The following SLC13A1 variants were observed in gnomAD, a reference collection of about 807,000 sequenced individuals.
SLC13A1 encodes Na(+)/sulfate cotransporter.
A neutral mutation model predicts 70.0 loss-of-function variants in SLC13A1; 65 were observed. That is an observed-to-expected ratio of 0.93 (90% CI 0.76 to 1.14). The LOEUF (loss-of-function observed/expected upper bound fraction) is 1.14. Among genes scored for constraint, SLC13A1 ranks in the 50% most tolerant of loss-of-function variants. The probability of loss-of-function intolerance (pLI) is 0.00; values close to 1 mark genes in which losing one functional copy is unlikely to be tolerated. For synonymous variants in SLC13A1, 275 were observed against 250.5 expected (o/e 1.10, Z -0.92); for missense variants, 726 against 717.8 (o/e 1.01, Z -0.13).
intron 11 of SLC13A1, 108 bp from the exon 12 acceptor site, chr7:123,123,343 A>C: frequency 2.9e-6 from 2 of 688,644 alleles, no homozygotes; most frequent in Non-Finnish European, 5.2e-6. Flanking sequence ...ATATTCCTAT[A>C]TTGTTTTTAA....
intron 6 of SLC13A1, among the ~76,000 whole-genome samples, chr7:123,150,807 C>A (rs986951222): frequency 6.6e-6 from 1 of 152,058 alleles, no homozygotes; most frequent in African/African-American, 2.4e-5. Flanking sequence ...TCTATCTCTG[C>A]CTGTTTTTCT....
At chr7:123,194,297 G>A (rs543451610) in intron 1 of SLC13A1, among the ~76,000 whole-genome samples, 143 of 152,174 alleles carry the variant, frequency 9.4e-4, no homozygotes, top group African/African-American at 2.9e-3. Flanking sequence ...AGGATATAGC[G>A]TGTGAGAAGG....
chr7:123,193,785 A>G (rs1796077520), intron 1 of SLC13A1, among the ~76,000 whole-genome samples: 1 of 152,148 alleles, frequency 6.6e-6, no homozygotes, highest in Non-Finnish European at 1.5e-5. Context: ...CACAGTGGGC[A>G]TTCACATTTA....
At position 123,168,519 on chromosome 7, in the gene SLC13A1, GT is replaced by G; in HGVS notation, c.595del (p.Thr199GlnfsTer26). The stretch of plus-strand genomic sequence containing the variant: ...TATTCCTTACCCTGGAACTGGTTTT[GT>G]TTTCTCTTTCCTCTCATTTATTTCA... ...GHEINERKEK[T>X]KPVPGYNNDT... On this transcript the variant is annotated frameshift_variant, in exon 5 of 15. Coordinates refer to ENST00000194130, the MANE Select transcript of SLC13A1 (RefSeq NM_022444.4). LOFTEE classifies it high-confidence loss of function. 1 of 1,610,654 alleles carries G rather than the reference GT, an allele frequency of 6.2e-7. No homozygotes were observed. Among genetic ancestry groups the G allele is most frequent in the Non-Finnish European group, 8.5e-7 (1 of 1,177,868 alleles).
intron 6 of SLC13A1, among the ~76,000 whole-genome samples, chr7:123,155,015 T>C (rs1039424751): frequency 2.0e-5 from 3 of 152,074 alleles, no homozygotes; most frequent in Non-Finnish European, 2.9e-5. Context: ...CAGTCATTCA[T>C]ATTTTTGATC....
At chr7:123,172,599 C>T (rs1354830310) in intron 2 of SLC13A1, among the ~76,000 whole-genome samples, 6 of 152,104 alleles carry the variant, frequency 3.9e-5, no homozygotes, top group African/African-American at 1.2e-4. Flanking sequence ...CTAGCCTGGG[C>T]GACAGAGTGA....
At chr7:123,191,467 A>T (rs940414143) in intron 1 of SLC13A1, among the ~76,000 whole-genome samples, 1 of 152,180 alleles carries the variant, frequency 6.6e-6, no homozygotes, top group African/African-American at 2.4e-5. Context: ...TGATCTACAG[A>T]GATCTTTATT....
At chr7:123,120,111 A>G (rs1447098577) in intron 12 of SLC13A1, among the ~76,000 whole-genome samples, 1 of 151,932 alleles carries the variant, frequency 6.6e-6, no homozygotes, top group East Asian at 1.9e-4. Context: ...CTCCTGCTCC[A>G]TTTGGCTTAG....
chr7:123,152,952 C>A (rs940956291), intron 6 of SLC13A1, among the ~76,000 whole-genome samples: 6 of 152,014 alleles, frequency 3.9e-5, no homozygotes, highest in African/African-American at 1.4e-4. Context: ...AGACTTCAAA[C>A]ACAAACCAGA....
chr7:123,155,880 G>A (rs138508976), intron 6 of SLC13A1, among the ~76,000 whole-genome samples: 194 of 152,090 alleles, frequency 1.3e-3, no homozygotes, highest in African/African-American at 4.2e-3. Context: ...GTAAGCTATC[G>A]CTCAGTACCC....
chr7:123,129,052 T>C (rs28364206), intron 9 of SLC13A1, 106 bp from the exon 10 acceptor site: 1 of 776,498 alleles, frequency 1.3e-6, no homozygotes, highest in African/African-American at 1.7e-5. Context: ...CACTAAACAC[T>C]GTAAGAACTA....
chr7:123,156,847 A>T (rs992951051), intron 6 of SLC13A1, among the ~76,000 whole-genome samples: 1 of 152,026 alleles, frequency 6.6e-6, no homozygotes, highest in African/African-American at 2.4e-5. Flanking sequence ...ATCCCTTCAG[A>T]TGAATCACTG....
At chr7:123,182,234 G>A (rs747945025) in intron 1 of SLC13A1, among the ~76,000 whole-genome samples, 3 of 152,126 alleles carry the variant, frequency 2.0e-5, no homozygotes, top group African/African-American at 4.8e-5. Context: ...AGAGAATTGT[G>A]TATACTAGCT....
chr7:123,133,479 T>G (rs1333837329), intron 8 of SLC13A1, among the ~76,000 whole-genome samples: 10 of 152,148 alleles, frequency 6.6e-5, no homozygotes, highest in Admixed American at 6.5e-4. Flanking sequence ...TTCAATATCT[T>G]ATCATCTTAG....
At chr7:123,135,086 G>T (rs990017846) in intron 7 of SLC13A1, among the ~76,000 whole-genome samples, 1 of 152,100 alleles carries the variant, frequency 6.6e-6, no homozygotes, top group Non-Finnish European at 1.5e-5. Flanking sequence ...AGCAACCATC[G>T]AACCAGGTAT....
rs10694058 is a variant in SLC13A1, at chr7:123,170,622, T to TTTTGTTTG, written c.365+1138_365+1145dup. 1.0e-3 allele frequency among the ~76,000 whole-genome samples: 154 copies of TTTTGTTTG among 151,012 alleles called. 1 individual carries two copies. Among genetic ancestry groups the TTTTGTTTG allele is most frequent in the South Asian group, 1.7e-3 (8 of 4,764 alleles). ...AGTCAGATGACGTCGTTTTGGTTTTTTTTGTTTGTTTGTTTGTTTGTTTTG... is the reference window on the plus strand; with the variant it reads ...AGTCAGATGACGTCGTTTTGGTTTTTTTTGTTTGTTTGTTTGTTTGTTTGTTTGTTTTG... On this transcript the variant is annotated intron_variant, in intron 3 of 14. Coordinates refer to ENST00000194130, the MANE Select transcript of SLC13A1 (RefSeq NM_022444.4).
chr7:123,115,445 A>G lies in SLC13A1; in HGVS notation c.*73T>C, dbSNP rs1173117648. On this transcript the variant is annotated 3_prime_UTR_variant, in exon 15 of 15. Coordinates refer to ENST00000194130, the MANE Select transcript of SLC13A1 (RefSeq NM_022444.4). ...TTTAAATGTGTGTCATTAGTTATTT[A>G]GAGCCACATTTTACAGTCAATCATT... 2 of 1,476,644 alleles carry G rather than the reference A, an allele frequency of 1.4e-6. No homozygotes were observed. Among genetic ancestry groups the G allele is most frequent in the Non-Finnish European group, 1.9e-6 (2 of 1,071,442 alleles). The allele number at this position is 1,476,644 out of a possible 1,614,324, so 91.5% of individuals were successfully genotyped here.
Position 123,168,681 on chromosome 7 carries a change from A to G in SLC13A1, c.554-120T>C, listed in dbSNP as rs1585368537. 1.6e-5 allele frequency: 11 copies of G among 688,642 alleles called. No individual in the cohort carries two copies. In the East Asian group the frequency reaches 3.0e-4, roughly 19 times the overall value. 42.7% of individuals were successfully genotyped at this position (688,642 alleles called of 1,614,324 possible). On this transcript the variant is annotated intron_variant, in intron 4 of 14. Transcript: ENST00000194130. Reference sequence around the variant, plus strand: ...ATTGAAAATAAAAAATTCACTGTGTACTAACATAACAGTCATCTTATTTTA... The same window carrying G: ...ATTGAAAATAAAAAATTCACTGTGTGCTAACATAACAGTCATCTTATTTTA...
At chr7:123,132,589 C>T (rs1033958998) in intron 8 of SLC13A1, among the ~76,000 whole-genome samples, 1 of 152,126 alleles carries the variant, frequency 6.6e-6, no homozygotes, top group Non-Finnish European at 1.5e-5. Context: ...CCAGGCTGGT[C>T]TCTAACTGCT....
Sources: gnomAD v4.1 joint callset for allele counts (sites outside exome capture counted in the v4.1 genomes callset) on GRCh38, gnomAD v4.1.1 for gene constraint, MANE v1.5 for transcripts, NCBI Gene and HGNC (gene_info 2026-07-23, HGNC 2026-07-21) for gene names.